Variants in LRRD1 observed in about 807,000 individuals in gnomAD.
LRRD1 encodes leucine-rich repeat and death domain-containing protein 1.
In LRRD1, 49 loss-of-function variants were observed where a neutral mutation model predicts 69.5. The observed-to-expected ratio is 0.70, with a 90% CI of 0.56 to 0.89. The LOEUF (loss-of-function observed/expected upper bound fraction) is 0.89. LRRD1 is among the 40% of genes least tolerant of loss of function. The pLI, the probability that LRRD1 is intolerant of heterozygous loss-of-function variation, is 0.00. For missense variants in LRRD1, 853 were observed against 956.0 expected (o/e 0.89, Z 1.42); for synonymous variants, 303 against 338.9 (o/e 0.89, Z 1.16).
intron 3 of LRRD1, among the ~76,000 whole-genome samples, chr7:92,153,189 C>T (rs1400672387): frequency 2.0e-5 from 3 of 151,852 alleles, no homozygotes; most frequent in Admixed American, 6.6e-5. Flanking sequence ...CTCAGCCTCC[C>T]GAGTAGCTGG....
intron 1 of LRRD1, among the ~76,000 whole-genome samples, chr7:92,172,566 A>G (rs1789080163): frequency 6.6e-6 from 1 of 151,404 alleles, no homozygotes; most frequent in South Asian, 2.1e-4. Flanking sequence ...GAAAAAAAAA[A>G]TCAAGAAAGC....
At chr7:92,154,010 G>T (rs1788591851) in intron 3 of LRRD1, among the ~76,000 whole-genome samples, 1 of 150,880 alleles carries the variant, frequency 6.6e-6, no homozygotes, top group South Asian at 2.1e-4. Context: ...CTAATTTTTT[G>T]TATTTTTAGT....
intron 1 of LRRD1, among the ~76,000 whole-genome samples, chr7:92,175,750 T>C (rs767446639): frequency 2.0e-5 from 3 of 152,250 alleles, no homozygotes; most frequent in African/African-American, 4.8e-5. Flanking sequence ...TATGCTTTGC[T>C]TTTCACAATT....
At chr7:92,173,013 T>C (rs1252366347) in intron 1 of LRRD1, among the ~76,000 whole-genome samples, 1 of 152,058 alleles carries the variant, frequency 6.6e-6, no homozygotes, top group Admixed American at 6.6e-5. Context: ...ACCAATGGAA[T>C]AGAATACAAA....
At chr7:92,167,916 T>C (rs1187749923) in intron 1 of LRRD1, among the ~76,000 whole-genome samples, 2 of 141,022 alleles carry the variant, frequency 1.4e-5, no homozygotes, top group African/African-American at 5.9e-5. Context: ...AAATAAGTTA[T>C]TCTGCTCTAA....
At chr7:92,167,876 C>CAAAAAAAAAAAAAAAAAAAAA (rs542619786) in intron 1 of LRRD1, among the ~76,000 whole-genome samples, 10 of 46,196 alleles carry the variant, frequency 2.2e-4, no homozygotes, top group African/African-American at 8.5e-4. Flanking sequence ...GACTCTGTCT[C>CAAAAAAAAAAAAAAAAAAAAA]AAAAAAAAAA....
rs138709479 is a variant in LRRD1, at chr7:92,157,324, T to A, written c.2116+1681A>T. On this transcript the variant is annotated intron_variant, in intron 3 of 5. Transcript: ENST00000458448. ...CATTCCCAGGGTAAATCCCACTTGGTCACAATATGATATCATTTTTTATAT... is the reference window on the plus strand; with the variant it reads ...CATTCCCAGGGTAAATCCCACTTGGACACAATATGATATCATTTTTTATAT... 6.7e-3 allele frequency among the ~76,000 whole-genome samples: 1,019 copies of A among 152,240 alleles called. 10 individuals are homozygous for A. The highest frequency in any genetic ancestry group is 0.023 in the African/African-American group (969 of 41,532).
chr7:92,148,751 G>T (rs1264063253), intron 4 of LRRD1, among the ~76,000 whole-genome samples: 2 of 152,086 alleles, frequency 1.3e-5, no homozygotes, highest in South Asian at 2.1e-4. Context: ...TACCATAAAA[G>T]ATCCTTTCAT....
chr7:92,164,768 T>C lies in LRRD1; in HGVS notation c.435A>G (p.Thr145=). The stretch of plus-strand genomic sequence containing the variant: ...GTAAACCCTTGGCCTCAAGGTTAAC[T>C]GTAAAGTTATCTGCCCCTAGGCCAA... ...KQLGLGADNF[T]VNLEAKGLQE... The change falls in exon 2 of 6, where the codon ACA becomes ACG. Residue 145 remains threonine, a synonymous_variant. Transcript: ENST00000458448. The C allele has an allele frequency of 6.4e-7, 1 of 1,551,502 alleles. No individual in the cohort carries two copies. Among genetic ancestry groups the C allele is most frequent in the Non-Finnish European group, 8.7e-7 (1 of 1,146,878 alleles).
At chr7:92,152,590 G>A (rs1820500152) in intron 3 of LRRD1, among the ~76,000 whole-genome samples, 1 of 151,160 alleles carries the variant, frequency 6.6e-6, no homozygotes, top group African/African-American at 2.4e-5. Flanking sequence ...GTACCATTTT[G>A]TATTTCTTTC....
chr7:92,169,970 T>C (rs144585239), intron 1 of LRRD1, among the ~76,000 whole-genome samples: 289 of 151,368 alleles, frequency 1.9e-3, no homozygotes, highest in African/African-American at 6.0e-3. Flanking sequence ...CTTGGAAGGC[T>C]GAGGTGGGAG....
At chr7:92,157,558 T>G (rs1179232210) in intron 3 of LRRD1, among the ~76,000 whole-genome samples, 1 of 150,948 alleles carries the variant, frequency 6.6e-6, no homozygotes, top group Admixed American at 6.6e-5. Context: ...CTTCCTTCCT[T>G]TCTTCTTTCT....
chr7:92,150,096 A>G (rs983147307), intron 4 of LRRD1, among the ~76,000 whole-genome samples: 3 of 152,226 alleles, frequency 2.0e-5, no homozygotes, highest in African/African-American at 2.4e-5. Context: ...AAGAAAAGAA[A>G]GATCATCAAT....
At chr7:92,142,906 G>GCCTT, downstream of LRRD1, 1 of 339,174 alleles carries the variant, frequency 2.9e-6, no homozygotes, top group Non-Finnish European at 5.8e-6. Context: ...ATTGCAAAGA[G>GCCTT]CGAAAGAACA....
intron 4 of LRRD1, among the ~76,000 whole-genome samples, chr7:92,148,840 C>G (rs1035718009): frequency 1.3e-5 from 2 of 151,414 alleles, no homozygotes; most frequent in Non-Finnish European, 3.0e-5. Flanking sequence ...CTCTGCCTCC[C>G]GAGTTCAAGC....
At chr7:92,149,787 A>C (rs1820419844) in intron 4 of LRRD1, 1 of 301,500 alleles carries the variant, frequency 3.3e-6, no homozygotes, top group Non-Finnish European at 7.1e-6. Flanking sequence ...TTCTGAGCTC[A>C]AGTGATTGTC....
chr7:92,162,170 A>G (rs1364824262), intron 2 of LRRD1, among the ~76,000 whole-genome samples: 1 of 152,208 alleles, frequency 6.6e-6, no homozygotes, highest in Non-Finnish European at 1.5e-5. Context: ...TATTCCCTGG[A>G]GCAGTTTTTC....
At chr7:92,172,640 G>GA (rs922187945) in intron 1 of LRRD1, among the ~76,000 whole-genome samples, 2 of 151,818 alleles carry the variant, frequency 1.3e-5, no homozygotes, top group African/African-American at 4.8e-5. Context: ...CCAAAGAAGT[G>GA]AAAGATCTAT....
Position 92,165,135 on chromosome 7 carries a change from C to T in LRRD1, c.68G>A (p.Arg23Lys), listed in dbSNP as rs1788880158. The change falls in exon 2 of 6, where the codon AGA becomes AAA. Residue 23 changes from arginine to lysine, a missense_variant. Transcript: ENST00000458448. The stretch of plus-strand genomic sequence containing the variant: ...GCCAGGCTCCTTCATTGACTGTGAT[C>T]TAGATTCTTTCCTAAATTGACTAAT... ...DTISQFRKESRSQSMKEPGFI... is the reference protein window; with the variant it reads ...DTISQFRKESKSQSMKEPGFI... 1 of 1,550,162 alleles carries T rather than the reference C, an allele frequency of 6.5e-7. No individual in the cohort carries two copies. The highest frequency in any genetic ancestry group is 1.4e-5 in the African/African-American group (1 of 72,878).
Sources: allele counts gnomAD v4.1 joint callset (sites outside exome capture counted in the v4.1 genomes callset), GRCh38; gene constraint gnomAD v4.1.1; transcripts MANE v1.5; gene names NCBI Gene and HGNC (gene_info 2026-07-23, HGNC 2026-07-21).